The following ZXDC variants were observed in gnomAD, a reference collection of about 807,000 sequenced individuals.
ZXDC encodes the protein zinc finger protein ZXDC.
A neutral mutation model predicts 63.6 loss-of-function variants in ZXDC; 58 were observed. The ratio of observed to expected loss-of-function variants is 0.91; its 90% CI spans 0.74 to 1.13. The LOEUF is 1.13. Ranked by LOEUF, ZXDC falls within the 50% of genes most tolerant of loss-of-function variation. ZXDC has a pLI of 0.00. For missense variants in ZXDC, 1,133 were observed against 1,148.9 expected, an observed-to-expected ratio of 0.99 and a Z score of 0.20; for synonymous variants, 561 against 496.1, an observed-to-expected ratio of 1.13 and a Z score of -1.74.
chr3:126,441,886 T>C lies in ZXDC; in HGVS notation c.2273A>G (p.His758Arg), dbSNP rs1439913529. ...KEGKMSPPHFHASQNSWLCGS... is the reference protein window; with the variant it reads ...KEGKMSPPHFRASQNSWLCGS... ...ACACAACCAACTGTTCTGGCTTGCA[T>C]GGAAATGGGGAGGACTCATTTTGCC... Residue 758 changes from histidine (H) to arginine (R), a missense_variant, in exon 8 of 10, where the codon CAT (histidine) becomes CGT (arginine). Transcript: ENST00000389709. 1 of 1,613,664 alleles carries C rather than the reference T, an allele frequency of 6.2e-7. No homozygotes were observed. Among genetic ancestry groups the C allele is most frequent in the African/African-American group, 1.3e-5 (1 of 74,924 alleles).
chr3:126,448,434 G>C (rs1038354959), intron 7 of ZXDC, among the ~76,000 whole-genome samples: 1 of 152,124 alleles, frequency 6.6e-6, no homozygotes, highest in African/African-American at 2.4e-5. Context: ...GAAAGTACAG[G>C]GTACCCTGGG....
intron 3 of ZXDC, among the ~76,000 whole-genome samples, chr3:126,471,686 C>G (rs561936908): frequency 6.6e-6 from 1 of 150,990 alleles, no homozygotes; most frequent in Non-Finnish European, 1.5e-5. Context: ...AAAGCTTATT[C>G]TACAATGTTA....
At chr3:126,473,205 A>G (rs1025899904) in intron 1 of ZXDC, among the ~76,000 whole-genome samples, 1 of 152,162 alleles carries the variant, frequency 6.6e-6, no homozygotes, top group Admixed American at 6.5e-5. Flanking sequence ...GTGTGTTCAC[A>G]CACTTGGTCA....
intron 1 of ZXDC, among the ~76,000 whole-genome samples, chr3:126,474,269 T>A (rs1935094993): frequency 6.6e-6 from 1 of 152,082 alleles, no homozygotes. Flanking sequence ...TTTCACCGTG[T>A]TAGCCAGGAT....
At position 126,472,015 on chromosome 3, in the gene ZXDC, C is replaced by T. The variant is rs1334103583; in HGVS notation, c.1097G>A (p.Gly366Asp). 2.5e-6 allele frequency: 4 copies of T among 1,613,724 alleles called. No homozygotes were observed. Among genetic ancestry groups the T allele is most frequent in the Non-Finnish European group, 3.4e-6 (4 of 1,179,890 alleles). Reference protein sequence around the residue: ...RPFICDSDSCGWTFTSMSKLL... With the variant: ...RPFICDSDSCDWTFTSMSKLL... ...TTTGGACATGCTGGTGAAGGTCCAGCCACAGCTGTCAGAGTCACAAATAAA... is the reference window on the plus strand; with the variant it reads ...TTTGGACATGCTGGTGAAGGTCCAGTCACAGCTGTCAGAGTCACAAATAAA... The change falls in exon 3 of 10, where the codon GGC (glycine) becomes GAC (aspartate). Residue 366 changes from glycine (G) to aspartate (D), a missense_variant. Transcript: ENST00000389709.
chr3:126,453,060 TTC>T (rs1177900259), intron 7 of ZXDC: 3 of 985,316 alleles, frequency 3.0e-6, no homozygotes, highest in Admixed American at 6.1e-5. Flanking sequence ...CATGGGAAGC[TTC>T]TGTTTTCCAC....
At chr3:126,453,973 A>G (rs1934210314) in intron 7 of ZXDC, 1 of 953,336 alleles carries the variant, frequency 1.0e-6, no homozygotes, top group Non-Finnish European at 1.2e-6. Context: ...CTATACATGT[A>G]TATATATATG....
chr3:126,452,741 TTTC>T (rs934083192), intron 7 of ZXDC, among the ~76,000 whole-genome samples: 5 of 122,780 alleles, frequency 4.1e-5, no homozygotes, highest in African/African-American at 8.3e-5. Context: ...ATCTGCAGTT[TTTC>T]TTTTTTTTTT....
At chr3:126,460,849 T>C (rs1934498640) in intron 6 of ZXDC, 1 of 985,248 alleles carries the variant, frequency 1.0e-6, no homozygotes, top group Non-Finnish European at 1.2e-6. Flanking sequence ...AGATGTAACA[T>C]TCTCAACAAT....
chr3:126,445,219 C>T (rs1339133581), intron 7 of ZXDC, among the ~76,000 whole-genome samples: 1 of 152,168 alleles, frequency 6.6e-6, no homozygotes, highest in East Asian at 1.9e-4. Flanking sequence ...AAAAGAATTG[C>T]TCACGCTTAT....
chr3:126,463,788 C>G (rs560021142), intron 5 of ZXDC, among the ~76,000 whole-genome samples: 1 of 152,270 alleles, frequency 6.6e-6, no homozygotes, highest in Admixed American at 6.5e-5. Context: ...TACCTGCAGG[C>G]TGTGAACACC....
intron 8 of ZXDC, chr3:126,440,895 C>G (rs1933649937): frequency 2.0e-6 from 2 of 985,620 alleles, no homozygotes; most frequent in African/African-American, 1.7e-5. Context: ...TCCCAGGACT[C>G]TGAACCCACA....
At chr3:126,442,033 A>G in intron 7 of ZXDC, 87 bp from the exon 8 acceptor site, 1 of 1,369,596 alleles carries the variant, frequency 7.3e-7, no homozygotes, top group Non-Finnish European at 9.5e-7. Context: ...TGGGGAAGAC[A>G]GCCTTCCCAT....
rs1237300795 is a variant in ZXDC at position 126,440,288 on chromosome 3, C to G, written c.2395-561G>C. On this transcript the variant is annotated intron_variant, in intron 8 of 9. Transcript: ENST00000389709. ...ACCTGCATGTCCGCCCATGGCCATT[C>G]ACACCCCGAAGCGGAGCTCCTGGTG... The G allele has an allele frequency of 7.1e-6, 7 of 989,012 alleles. No homozygotes were observed. The East Asian group carries it at 7.9e-4, about 112-fold the overall frequency. 61.3% of individuals were successfully genotyped at this position (989,012 alleles called of 1,614,324 possible).
chr3:126,451,728 G>C, intron 7 of ZXDC: 2 of 985,364 alleles, frequency 2.0e-6, no homozygotes, highest in South Asian at 9.4e-5. Flanking sequence ...ATGACCTTCT[G>C]CACCATGATC....
chr3:126,445,005 C>T (rs1333128125), intron 7 of ZXDC, among the ~76,000 whole-genome samples: 2 of 152,068 alleles, frequency 1.3e-5, no homozygotes, highest in Non-Finnish European at 2.9e-5. Flanking sequence ...TCATGACAAG[C>T]TAAATTGGTT....
At chr3:126,468,735 C>G (rs1934868387) in intron 4 of ZXDC, among the ~76,000 whole-genome samples, 1 of 152,176 alleles carries the variant, frequency 6.6e-6, no homozygotes, top group Non-Finnish European at 1.5e-5. Context: ...ACCCACGGAA[C>G]CTCATCCATC....
In ZXDC at chr3:126,461,634, T is replaced by C. The variant is rs1219226385; in HGVS notation, c.2028A>G (p.Glu676=). The change falls in exon 6 of 10, where the codon GAA becomes GAG. Residue 676 remains glutamate (E), a synonymous_variant. Transcript: ENST00000389709. ...PSRPGAVGQQ[E]GSHGLPQSTL... is the part of the protein sequence containing the mutation. ...TGGACTGGGGCAGCCCATGGCTTCC[T>C]TCCTGCTGCCCAACTGCTCCTGGGC... is the stretch of plus-strand genomic sequence containing the variant. 3 of 1,613,942 alleles carry C rather than the reference T, an allele frequency of 1.9e-6. No homozygotes were observed. The highest frequency in any genetic ancestry group is 1.7e-6 in the Non-Finnish European group (2 of 1,179,992).
rs1934176371 is a variant in ZXDC at position 126,453,194 on chromosome 3, T to C, written c.2212+6459A>G. ...AGAAAACTCTGCATTTTGTTGCAAG[T>C]ATTCTAACTTATTATCATACAGTTA... On this transcript the variant is annotated intron_variant, in intron 7 of 9. Transcript: ENST00000389709. 14 of 985,464 alleles carry C rather than the reference T, an allele frequency of 1.4e-5. No homozygotes were observed. In the South Asian group the frequency reaches 6.6e-4, roughly 46 times the overall value. The allele number at this position is 985,464 out of a possible 1,614,324, so 61.0% of individuals were successfully genotyped here.
Sources: gnomAD v4.1 joint callset for allele counts (sites outside exome capture counted in the v4.1 genomes callset) on GRCh38, gnomAD v4.1.1 for gene constraint, MANE v1.5 for transcripts, NCBI Gene and HGNC (gene_info 2026-07-23, HGNC 2026-07-21) for gene names.